Variants in TRMT11 observed in about 807,000 individuals in gnomAD.
TRMT11 encodes tRNA (guanine(10)-N(2))-methyltransferase TRMT11.
In TRMT11, 53 loss-of-function variants were observed where a neutral mutation model predicts 62.8. That is an observed-to-expected ratio of 0.84 (90% CI 0.68 to 1.06). The LOEUF (loss-of-function observed/expected upper bound fraction) is 1.06, where lower values mean the gene tolerates loss of function less well. Among genes scored for constraint, TRMT11 ranks in the 50% least tolerant of loss-of-function variants. The pLI is 0.00. For missense variants in TRMT11, 556 were observed against 553.4 expected, an observed-to-expected ratio of 1.00 and a Z score of -0.05; for synonymous variants, 188 against 190.3, an observed-to-expected ratio of 0.99 and a Z score of 0.10.
At chr6:126,089,585 T>C (rs781020887) in intron 17 of TRMT11, among the ~76,000 whole-genome samples, 11 of 152,184 alleles carry the variant, frequency 7.2e-5, no homozygotes, top group Non-Finnish European at 1.5e-4. Context: ...GTTGCAAAGT[T>C]CTTGTCCTCT....
chr6:126,205,825 C>CA (rs1408229092), downstream of TRMT11, among the ~76,000 whole-genome samples: 3 of 150,030 alleles, frequency 2.0e-5, no homozygotes, highest in Non-Finnish European at 4.4e-5. Flanking sequence ...GTGGGAGAGG[C>CA]AAAAAAAGAT....
At chr6:126,117,083 A>T (rs1777597011) in intron 21 of TRMT11, among the ~76,000 whole-genome samples, 1 of 152,108 alleles carries the variant, frequency 6.6e-6, no homozygotes, top group African/African-American at 2.4e-5. Flanking sequence ...TGGTGGGCCA[A>T]ACAATAACAA....
chr6:126,049,410 A>G (rs1016808984), intron 16 of TRMT11, among the ~76,000 whole-genome samples: 2 of 152,156 alleles, frequency 1.3e-5, no homozygotes, highest in African/African-American at 4.8e-5. Context: ...TAGTTGACGT[A>G]TTATCTTCAA....
intron 12 of TRMT11, among the ~76,000 whole-genome samples, chr6:126,028,776 C>T (rs992112769): frequency 1.3e-5 from 2 of 152,068 alleles, no homozygotes; most frequent in African/African-American, 2.4e-5. Flanking sequence ...CCCACTAGCT[C>T]CAGGAAAGCA....
chr6:126,269,635 T>C, the TRMT11 span, among the ~76,000 whole-genome samples: 1 of 152,206 alleles, frequency 6.6e-6, no homozygotes, highest in South Asian at 2.1e-4. Context: ...TGTTTATAAT[T>C]GCAAATAGTT....
intron 17 of TRMT11, among the ~76,000 whole-genome samples, chr6:126,074,356 A>G (rs1472307948): frequency 6.6e-6 from 1 of 152,170 alleles, no homozygotes; most frequent in Non-Finnish European, 1.5e-5. Flanking sequence ...AGCACAGGGC[A>G]CAGGTTTTGT....
chr6:126,175,195 A>G (rs777739840), upstream of TRMT11, among the ~76,000 whole-genome samples: 63 of 152,304 alleles, frequency 4.1e-4, no homozygotes, highest in Admixed American at 9.2e-4. Context: ...TATTCTTGTC[A>G]ATAATAGTTG....
intron 21 of TRMT11, among the ~76,000 whole-genome samples, chr6:126,162,392 G>C (rs1355679957): frequency 6.6e-6 from 1 of 152,086 alleles, no homozygotes; most frequent in Admixed American, 6.5e-5. Flanking sequence ...TGTTATTTTC[G>C]AGGCCTCTGT....
the TRMT11 span, among the ~76,000 whole-genome samples, chr6:126,263,142 A>G: frequency 6.6e-6 from 1 of 151,864 alleles, no homozygotes; most frequent in Non-Finnish European, 1.5e-5. Context: ...TGTTCAGCTC[A>G]GTTGCCATCT....
the TRMT11 span, among the ~76,000 whole-genome samples, chr6:126,209,736 GAAACAA>G: frequency 6.6e-6 from 1 of 151,574 alleles, no homozygotes; most frequent in Non-Finnish European, 1.5e-5. Flanking sequence ...CTCAAAAAAA[GAAACAA>G]AAACAAAACA....
At chr6:126,147,389 C>T (rs1405890276) in intron 21 of TRMT11, among the ~76,000 whole-genome samples, 1 of 151,668 alleles carries the variant, frequency 6.6e-6, no homozygotes, top group Non-Finnish European at 1.5e-5. Flanking sequence ...TCAGCTGTTG[C>T]TTTGAAAGTG....
chr6:126,267,928 A>G, the TRMT11 span, among the ~76,000 whole-genome samples: 309 of 152,304 alleles, frequency 2.0e-3, 2 homozygotes, highest in Middle Eastern at 6.8e-3. Context: ...TAATGTCAAA[A>G]ATAATCTCTT....
chr6:125,998,757 C>A, intron 6 of TRMT11, 73 bp downstream of exon 6: 2 of 1,425,292 alleles, frequency 1.4e-6, no homozygotes, highest in Non-Finnish European at 1.9e-6. Context: ...TTGTTGACTC[C>A]TATGTAGAAC....
chr6:126,225,245 T>C, the TRMT11 span, among the ~76,000 whole-genome samples: 1 of 152,190 alleles, frequency 6.6e-6, no homozygotes, highest in African/African-American at 2.4e-5. Context: ...TCCAAGCAGC[T>C]CTCCCTATCA....
the TRMT11 span, among the ~76,000 whole-genome samples, chr6:126,257,762 TAAC>T: frequency 6.6e-6 from 1 of 152,104 alleles, no homozygotes; most frequent in Non-Finnish European, 1.5e-5. Context: ...ATCGGTTTAA[TAAC>T]AATGAAGAAC....
At chr6:126,006,684 A>G (rs1240582370) in intron 7 of TRMT11, among the ~76,000 whole-genome samples, 26 of 151,886 alleles carry the variant, frequency 1.7e-4, no homozygotes. Context: ...AAGTGCTTCA[A>G]TTTAATCAAA....
At chr6:126,242,087 C>G in the TRMT11 span, among the ~76,000 whole-genome samples, 3 of 147,908 alleles carry the variant, frequency 2.0e-5, no homozygotes, top group Non-Finnish European at 4.4e-5. Flanking sequence ...TCAGCAAAGT[C>G]TCAGGATACA....
At chr6:126,164,446 A>G (rs1778234653) in intron 21 of TRMT11, among the ~76,000 whole-genome samples, 1 of 152,218 alleles carries the variant, frequency 6.6e-6, no homozygotes, top group Non-Finnish European at 1.5e-5. Flanking sequence ...AAGAATGTAT[A>G]TTCTGCTGAT....
the TRMT11 span, among the ~76,000 whole-genome samples, chr6:126,250,545 A>G: frequency 6.6e-6 from 1 of 152,150 alleles, no homozygotes; most frequent in Non-Finnish European, 1.5e-5. Flanking sequence ...TAATATCTGT[A>G]TCTTTGTTCT....
Sources: allele counts gnomAD v4.1 joint callset (sites outside exome capture counted in the v4.1 genomes callset), GRCh38; gene constraint gnomAD v4.1.1; transcripts MANE v1.5; gene names NCBI Gene and HGNC (gene_info 2026-07-23, HGNC 2026-07-21).